The following LRRTM4 variants were observed in gnomAD, a reference collection of about 807,000 sequenced individuals.
The protein encoded by LRRTM4 is leucine-rich repeat transmembrane neuronal protein 4.
In LRRTM4, 25 loss-of-function variants were observed where a neutral mutation model predicts 47.6. The ratio of observed to expected loss-of-function variants is 0.53; its 90% CI spans 0.38 to 0.73. The LOEUF (loss-of-function observed/expected upper bound fraction) is 0.73, where lower values mean the gene tolerates loss of function less well. Ranked by LOEUF, LRRTM4 falls within the 30% of genes least tolerant of loss-of-function variation. LRRTM4 has a pLI of 0.00. For synonymous variants in LRRTM4, 311 were observed against 269.5 expected (o/e 1.15, Z -1.51); for missense variants, 638 against 713.4 (o/e 0.89, Z 1.20).
At chr2:76,962,146 G>A (rs1675880951) in intron 3 of LRRTM4, among the ~76,000 whole-genome samples, 1 of 151,120 alleles carries the variant, frequency 6.6e-6, no homozygotes, top group Non-Finnish European at 1.5e-5. Flanking sequence ...TTTAAGAAAG[G>A]ACACACTTTA....
intron 3 of LRRTM4, among the ~76,000 whole-genome samples, chr2:77,468,891 C>T (rs1251719434): frequency 6.6e-6 from 1 of 152,210 alleles, no homozygotes; most frequent in East Asian, 1.9e-4. Context: ...TGACAGAAAA[C>T]ATCTGCTAAA....
At chr2:76,977,263 C>T (rs1016189441) in intron 3 of LRRTM4, among the ~76,000 whole-genome samples, 1 of 151,426 alleles carries the variant, frequency 6.6e-6, no homozygotes, top group African/African-American at 2.4e-5. Context: ...TGTACACTTC[C>T]CCCTAATTTT....
chr2:77,495,931 C>A (rs1486009826), intron 3 of LRRTM4, among the ~76,000 whole-genome samples: 1 of 151,848 alleles, frequency 6.6e-6, no homozygotes, highest in Admixed American at 6.6e-5. Context: ...GCTGCTTAGA[C>A]TTTGGTTAAG....
chr2:76,756,544 G>A (rs1381972624), intron 3 of LRRTM4, among the ~76,000 whole-genome samples: 1 of 152,114 alleles, frequency 6.6e-6, no homozygotes, highest in Non-Finnish European at 1.5e-5. Context: ...CATATTTAAA[G>A]AAGGTAATTC....
chr2:77,074,926 A>G (rs78642764), intron 3 of LRRTM4, among the ~76,000 whole-genome samples: 6,054 of 152,100 alleles, frequency 0.04, 241 homozygotes, highest in African/African-American at 0.095. Flanking sequence ...TTTTTCCAAG[A>G]TAACAAGATA....
intron 3 of LRRTM4, among the ~76,000 whole-genome samples, chr2:76,921,491 G>A (rs2103808934): frequency 6.6e-6 from 1 of 151,890 alleles, no homozygotes; most frequent in East Asian, 1.9e-4. Flanking sequence ...AAATAATTAA[G>A]CACAGTCCAC....
chr2:77,377,509 T>G (rs1233066861), intron 3 of LRRTM4, among the ~76,000 whole-genome samples: 1 of 152,002 alleles, frequency 6.6e-6, no homozygotes, highest in Non-Finnish European at 1.5e-5. Flanking sequence ...TTAGTCTTAT[T>G]GTTTTGGATA....
intron 3 of LRRTM4, among the ~76,000 whole-genome samples, chr2:76,957,708 A>C (rs907879552): frequency 3.3e-5 from 5 of 151,046 alleles, no homozygotes; most frequent in African/African-American, 1.2e-4. Flanking sequence ...GATCTAATAA[A>C]TTGCTATAAA....
intron 3 of LRRTM4, among the ~76,000 whole-genome samples, chr2:77,419,381 A>G (rs532571724): frequency 1.1e-4 from 17 of 152,318 alleles, no homozygotes; most frequent in Non-Finnish European, 2.1e-4. Flanking sequence ...ACAGATACTA[A>G]AATCCATGGA....
chr2:76,998,055 T>A (rs1021078685), intron 3 of LRRTM4, among the ~76,000 whole-genome samples: 1 of 152,056 alleles, frequency 6.6e-6, no homozygotes, highest in Non-Finnish European at 1.5e-5. Context: ...TGTATAATTA[T>A]TTCATTATAT....
Position 77,398,447 on chromosome 2 carries a change from T to C in LRRTM4, c.1551+119871A>G, listed in dbSNP as rs1219184221. The stretch of plus-strand genomic sequence containing the variant: ...TTGCAATCAAACACATACTTTTTTT[T>C]CAGATAAATATATGAATATCTACAA... On this transcript the variant is annotated intron_variant, in intron 3 of 3. Transcript: ENST00000409884. 2.6e-5 allele frequency among the ~76,000 whole-genome samples: 4 copies of C among 151,836 alleles called. No individual in the cohort carries two copies. The East Asian group carries it at 5.8e-4, about 22-fold the overall frequency.
At chr2:77,344,047 G>T (rs1434400165) in intron 3 of LRRTM4, among the ~76,000 whole-genome samples, 1 of 151,804 alleles carries the variant, frequency 6.6e-6, no homozygotes. Flanking sequence ...AATATTAAAA[G>T]CTGTGAAATT....
At chr2:77,104,189 C>T (rs1266279350) in intron 3 of LRRTM4, among the ~76,000 whole-genome samples, 3 of 152,138 alleles carry the variant, frequency 2.0e-5, no homozygotes, top group Non-Finnish European at 4.4e-5. Flanking sequence ...CATCAGCCCA[C>T]ACTGCCTACC....
chr2:76,848,751 CTGAT>C (rs1380427024), intron 3 of LRRTM4, among the ~76,000 whole-genome samples: 1 of 152,148 alleles, frequency 6.6e-6, no homozygotes, highest in Admixed American at 6.6e-5. Flanking sequence ...AAAAGTTTCT[CTGAT>C]TAACAAATAT....
chr2:76,970,611 T>A (rs1363621040), intron 3 of LRRTM4, among the ~76,000 whole-genome samples: 4 of 152,094 alleles, frequency 2.6e-5, no homozygotes, highest in Middle Eastern at 3.2e-3. Flanking sequence ...GCTTGCATTA[T>A]GAGACTTGCG....
intron 3 of LRRTM4, among the ~76,000 whole-genome samples, chr2:77,249,434 C>T (rs986308764): frequency 3.3e-5 from 5 of 151,326 alleles, no homozygotes; most frequent in East Asian, 3.9e-4. Context: ...AGCCACAAAC[C>T]GTAGGAAAAT....
intron 3 of LRRTM4, among the ~76,000 whole-genome samples, chr2:77,141,466 TG>T (rs1238110594): frequency 2.8e-5 from 3 of 108,588 alleles, no homozygotes; most frequent in Non-Finnish European, 5.3e-5. Flanking sequence ...CACCGTGGCC[TG>T]TCATGGGGTG....
chr2:77,502,710 T>A (rs1037406926), intron 3 of LRRTM4, among the ~76,000 whole-genome samples: 5 of 151,538 alleles, frequency 3.3e-5, no homozygotes, highest in African/African-American at 1.2e-4. Flanking sequence ...CAGACATTAA[T>A]CAAGTCATTA....
chr2:76,867,766 A>C (rs2104035583), intron 3 of LRRTM4, among the ~76,000 whole-genome samples: 2 of 152,284 alleles, frequency 1.3e-5, no homozygotes, highest in South Asian at 4.1e-4. Context: ...TGTATAGCAC[A>C]CTGAGTTATG....
Sources: allele counts gnomAD v4.1 joint callset (sites outside exome capture counted in the v4.1 genomes callset), GRCh38; gene constraint gnomAD v4.1.1; transcripts MANE v1.5; gene names NCBI Gene and HGNC (gene_info 2026-07-23, HGNC 2026-07-21).